CEP63: variants seen among roughly 807,000 people sequenced by gnomAD.
CEP63 encodes the protein centrosomal protein of 63 kDa.
A neutral mutation model predicts 89.1 loss-of-function variants in CEP63; 84 were observed. The observed-to-expected ratio is 0.94, with a 90% CI of 0.79 to 1.13. The LOEUF is 1.13. CEP63 is among the 50% of genes most tolerant of loss of function. The probability of loss-of-function intolerance (pLI) is 0.00; values close to 1 mark genes in which losing one functional copy is unlikely to be tolerated. For missense variants in CEP63, 838 were observed against 813.3 expected (o/e 1.03, Z -0.37); for synonymous variants, 267 against 272.5 (o/e 0.98, Z 0.20).
chr3:134,543,619 C>T (rs1952532631), intron 6 of CEP63, among the ~76,000 whole-genome samples: 2 of 152,106 alleles, frequency 1.3e-5, no homozygotes, highest in Non-Finnish European at 2.9e-5. Context: ...TGTTAGGTAG[C>T]TATTACAGTA....
the CEP63 span, among the ~76,000 whole-genome samples, chr3:134,726,826 T>C: frequency 4.6e-5 from 7 of 152,182 alleles, no homozygotes; most frequent in South Asian, 4.1e-4. Context: ...GCGGCTCCTG[T>C]TGCTCTCACT....
At chr3:134,762,974 A>G in the CEP63 span, among the ~76,000 whole-genome samples, 1 of 152,178 alleles carries the variant, frequency 6.6e-6, no homozygotes, top group African/African-American at 2.4e-5. Flanking sequence ...TTCAACTTCT[A>G]GGGCCTGCGA....
At chr3:134,751,120 AT>A in the CEP63 span, among the ~76,000 whole-genome samples, 3 of 152,214 alleles carry the variant, frequency 2.0e-5, no homozygotes, top group Non-Finnish European at 4.4e-5. Context: ...CAATATGGAC[AT>A]TTCATATAAC....
At chr3:134,513,390 G>T (rs770565271) in intron 3 of CEP63, among the ~76,000 whole-genome samples, 1 of 152,140 alleles carries the variant, frequency 6.6e-6, no homozygotes, top group Non-Finnish European at 1.5e-5. Context: ...AGTTAAATAT[G>T]AATTATTTCA....
At chr3:134,487,801 T>A (rs1485370116) in intron 1 of CEP63, among the ~76,000 whole-genome samples, 2 of 152,244 alleles carry the variant, frequency 1.3e-5, no homozygotes, top group Non-Finnish European at 2.9e-5. Context: ...CTCTTAAATG[T>A]CTTTTTACAA....
the CEP63 span, among the ~76,000 whole-genome samples, chr3:134,609,427 C>T: frequency 6.6e-5 from 10 of 152,262 alleles, no homozygotes; most frequent in South Asian, 1.5e-3. Flanking sequence ...TCTGTGAGTA[C>T]GCGAGCCCTG....
the CEP63 span, among the ~76,000 whole-genome samples, chr3:134,683,869 G>C: frequency 1.3e-5 from 2 of 151,992 alleles, no homozygotes; most frequent in Non-Finnish European, 2.9e-5. Flanking sequence ...TGACTGGGTT[G>C]GGGTCACCTG....
the CEP63 span, among the ~76,000 whole-genome samples, chr3:134,716,710 C>T: frequency 2.0e-5 from 3 of 152,156 alleles, no homozygotes; most frequent in Non-Finnish European, 4.4e-5. Flanking sequence ...GTACTGTCTT[C>T]GGAGTCATGC....
the CEP63 span, chr3:134,643,426 C>A: frequency 1.3e-6 from 2 of 1,542,138 alleles, no homozygotes; most frequent in Non-Finnish European, 1.8e-6. Context: ...GGGGAATTTT[C>A]CCCAGGCAGA....
chr3:134,498,600 G>C (rs1190712707), intron 2 of CEP63, among the ~76,000 whole-genome samples: 2 of 152,094 alleles, frequency 1.3e-5, no homozygotes, highest in Non-Finnish European at 2.9e-5. Context: ...GTGTTGAATG[G>C]GAGTGGTGGA....
the CEP63 span, among the ~76,000 whole-genome samples, chr3:134,756,770 T>C: frequency 6.6e-6 from 1 of 152,134 alleles, no homozygotes; most frequent in African/African-American, 2.4e-5. Flanking sequence ...TGGAAACCAG[T>C]CCTGCCCTGA....
the CEP63 span, among the ~76,000 whole-genome samples, chr3:134,707,956 G>T: frequency 6.6e-6 from 1 of 152,028 alleles, no homozygotes; most frequent in East Asian, 1.9e-4. Context: ...AGGGCTCACG[G>T]TCTTTCACTG....
chr3:134,708,648 C>T, the CEP63 span, among the ~76,000 whole-genome samples: 3 of 152,204 alleles, frequency 2.0e-5, no homozygotes, highest in South Asian at 4.1e-4. Flanking sequence ...ATTAAATACT[C>T]GTATCCTTTG....
chr3:134,710,143 A>G, the CEP63 span, among the ~76,000 whole-genome samples: 1 of 152,160 alleles, frequency 6.6e-6, no homozygotes, highest in African/African-American at 2.4e-5. Flanking sequence ...ATCTTTCAAG[A>G]GAGTCTGAAG....
At chr3:134,612,375 G>A in the CEP63 span, among the ~76,000 whole-genome samples, 1 of 152,214 alleles carries the variant, frequency 6.6e-6, no homozygotes, top group African/African-American at 2.4e-5. Context: ...GAAGGAAGGG[G>A]AGAAGGGGCA....
At chr3:134,604,204 G>A in the CEP63 span, 2 of 1,612,548 alleles carry the variant, frequency 1.2e-6, no homozygotes, top group African/African-American at 1.3e-5. Flanking sequence ...GAACCAGCTG[G>A]GGCCCACGGG....
chr3:134,734,223 G>A, the CEP63 span, among the ~76,000 whole-genome samples: 1 of 151,910 alleles, frequency 6.6e-6, no homozygotes, highest in Non-Finnish European at 1.5e-5. Flanking sequence ...GGAAACAGCC[G>A]AAATGTTCTT....
the CEP63 span, among the ~76,000 whole-genome samples, chr3:134,676,240 T>G: frequency 7.2e-5 from 11 of 152,324 alleles, no homozygotes; most frequent in African/African-American, 2.2e-4. Flanking sequence ...TGGAATATAT[T>G]TAGGCATGGA....
In CEP63 at chr3:134,561,859, T is replaced by C. The variant is rs902003390; in HGVS notation, c.*324T>C. Reference sequence around the variant, plus strand: ...GCTATGTACTAATTGAAATAAGGATTTTATGATACATGTTGAAAATAAAGT... The same window carrying C: ...GCTATGTACTAATTGAAATAAGGATCTTATGATACATGTTGAAAATAAAGT... On this transcript the variant is annotated 3_prime_UTR_variant, in exon 15 of 15. Coordinates refer to ENST00000675561, the MANE Select transcript of CEP63 (RefSeq NM_001353108.3). The C allele has an allele frequency of 1.9e-6, 2 of 1,079,280 alleles. No individual in the cohort carries two copies. Among genetic ancestry groups the C allele is most frequent in the African/African-American group, 3.4e-5 (2 of 59,340 alleles). 66.9% of individuals were successfully genotyped at this position (1,079,280 alleles called of 1,614,324 possible).
Sources: allele counts gnomAD v4.1 joint callset (sites outside exome capture counted in the v4.1 genomes callset), GRCh38; gene constraint gnomAD v4.1.1; transcripts MANE v1.5; gene names NCBI Gene and HGNC (gene_info 2026-07-23, HGNC 2026-07-21).